Variants in LOXL2 observed in about 807,000 individuals in gnomAD.
The protein encoded by LOXL2 is lysyl oxidase like 2.
Under a neutral mutation model 93.0 loss-of-function variants are expected in LOXL2, and 70 were observed. That is an observed-to-expected ratio of 0.75 (90% CI 0.62 to 0.92). LOXL2 has a LOEUF of 0.92. Among genes scored for constraint, LOXL2 ranks in the 40% least tolerant of loss-of-function variants. The probability of loss-of-function intolerance (pLI) is 0.00; values close to 1 mark genes in which losing one functional copy is unlikely to be tolerated. For synonymous variants in LOXL2, 438 were observed against 413.2 expected (o/e 1.06, Z -0.73); for missense variants, 973 against 1,054.9 (o/e 0.92, Z 1.08).
intron 11 of LOXL2, 136 bp downstream of exon 11, chr8:23,303,146 G>T: frequency 1.5e-6 from 1 of 678,522 alleles, no homozygotes; most frequent in Admixed American, 2.0e-5. Context: ...GCTGAGGAAG[G>T]TCCAGGTGGG....
intron 13 of LOXL2, 26 bp from the exon 14 acceptor site, chr8:23,298,148 G>C: frequency 6.3e-7 from 1 of 1,590,430 alleles, no homozygotes; most frequent in Non-Finnish European, 8.6e-7. Flanking sequence ...CGGGTAGAGA[G>C]AGTGGACAAA....
intron 1 of LOXL2, among the ~76,000 whole-genome samples, chr8:23,401,945 T>C (rs541466348): frequency 2.0e-5 from 3 of 152,394 alleles, no homozygotes; most frequent in South Asian, 4.1e-4. Context: ...TAAGTGACCT[T>C]AGACTAAGTC....
intron 3 of LOXL2, among the ~76,000 whole-genome samples, chr8:23,353,530 C>A (rs573926895): frequency 3.3e-5 from 5 of 152,176 alleles, no homozygotes; most frequent in Non-Finnish European, 4.4e-5. Flanking sequence ...GACTGGAACC[C>A]GGGGGTTCTG....
At chr8:23,304,254 G>C (rs901629436) in intron 10 of LOXL2, among the ~76,000 whole-genome samples, 2 of 152,340 alleles carry the variant, frequency 1.3e-5, no homozygotes, top group Admixed American at 1.3e-4. Context: ...CTTCCCTCGG[G>C]AGGAATTGAG....
chr8:23,376,079 C>T (rs1454975262), intron 1 of LOXL2, among the ~76,000 whole-genome samples: 2 of 152,076 alleles, frequency 1.3e-5, no homozygotes, highest in Non-Finnish European at 2.9e-5. Context: ...GTGGGTTTGT[C>T]ATGAATAGCT....
chr8:23,383,822 G>A (rs1022929705), intron 1 of LOXL2, among the ~76,000 whole-genome samples: 15 of 151,668 alleles, frequency 9.9e-5, no homozygotes, highest in Non-Finnish European at 1.3e-4. Context: ...CACCACGCCC[G>A]GCTAATTTTT....
intron 10 of LOXL2, among the ~76,000 whole-genome samples, chr8:23,304,446 A>G (rs3808525): frequency 0.5 from 75,596 of 151,776 alleles, 19,250 homozygotes; most frequent in East Asian, 0.84. Flanking sequence ...CGAGCATGTC[A>G]CAAGTGTCTG....
chr8:23,382,200 T>C (rs1186867317), intron 1 of LOXL2, among the ~76,000 whole-genome samples: 2 of 152,114 alleles, frequency 1.3e-5, no homozygotes, highest in African/African-American at 4.8e-5. Context: ...CTCTGTGAAG[T>C]AGACACATTC....
At position 23,309,760 on chromosome 8, in the gene LOXL2, G is replaced by C; in HGVS notation, c.1788C>G (p.Leu596=). Residue 596 remains leucine, a synonymous_variant, in exon 10 of 14, where the codon CTC becomes CTG. Transcript: ENST00000389131. The part of the protein sequence containing the change: ...QTDPTTGYRR[L]LRFSSQIHNN... ...TGTGGATCTGGGAGGAGAAGCGCAG[G>C]AGCCGGCGGTAGCCCGTGGTGGGGT... The C allele has an allele frequency of 6.2e-7, 1 of 1,603,820 alleles. No homozygotes were observed. Among genetic ancestry groups the C allele is most frequent in the South Asian group, 1.1e-5 (1 of 89,044 alleles).
chr8:23,299,408 C>T (rs1161177680), intron 12 of LOXL2, among the ~76,000 whole-genome samples: 5 of 152,172 alleles, frequency 3.3e-5, no homozygotes, highest in African/African-American at 7.2e-5. Context: ...ATGTCCCTTC[C>T]TCTCTCTGTA....
chr8:23,309,559 C>A, intron 10 of LOXL2, 109 bp downstream of exon 10: 1 of 1,235,254 alleles, frequency 8.1e-7, no homozygotes, highest in Non-Finnish European at 1.0e-6. Context: ...TATCCCCAGG[C>A]CATGCAGCCT....
intron 2 of LOXL2, chr8:23,363,027 AAAT>A (rs1347228508): frequency 6.6e-6 from 1 of 152,168 alleles, no homozygotes; most frequent in African/African-American, 2.4e-5. Context: ...TCTAAAGGCA[AAAT>A]AATGATGCTG....
At chr8:23,327,189 G>T (rs1341370238) in intron 6 of LOXL2, among the ~76,000 whole-genome samples, 1 of 152,190 alleles carries the variant, frequency 6.6e-6, no homozygotes, top group East Asian at 1.9e-4. Context: ...GCTAGGGCAT[G>T]GGTAGGCCGT....
intron 1 of LOXL2, among the ~76,000 whole-genome samples, chr8:23,393,873 A>C (rs1240486204): frequency 6.6e-6 from 1 of 152,160 alleles, no homozygotes; most frequent in East Asian, 1.9e-4. Flanking sequence ...TAAGCTGGTG[A>C]TCCCTCTAGA....
At position 23,303,284 on chromosome 8, in the gene LOXL2, C is replaced by A; in HGVS notation, c.1994G>T (p.Gly665Val). 1 of 1,604,666 alleles carries A rather than the reference C, an allele frequency of 6.2e-7. No homozygotes were observed. Among genetic ancestry groups the A allele is most frequent in the Non-Finnish European group, 8.5e-7 (1 of 1,171,768 alleles). ...SFCLEDTECEGDIQKNYECAN... is the reference protein window; with the variant it reads ...SFCLEDTECEVDIQKNYECAN... ...ATCCCCCCACTCCGCTCAGATACCT[C>A]CTTCACATTCTGTGTCCTCCAAGCA... The change falls in exon 11 of 14, where the codon GGA becomes GTA. Residue 665 changes from glycine to valine, a missense_variant and splice_region_variant. Transcript: ENST00000389131.
intron 1 of LOXL2, among the ~76,000 whole-genome samples, chr8:23,391,495 C>T (rs768773011): frequency 6.6e-6 from 1 of 152,168 alleles, no homozygotes; most frequent in Non-Finnish European, 1.5e-5. Context: ...CCATCAAGCA[C>T]TCTTGGGTAA....
At chr8:23,329,650 A>C (rs917486828) in intron 5 of LOXL2, among the ~76,000 whole-genome samples, 1 of 152,106 alleles carries the variant, frequency 6.6e-6, no homozygotes, top group African/African-American at 2.4e-5. Flanking sequence ...TGCTCATTCA[A>C]CTCCACAGAG....
At chr8:23,307,927 T>C (rs1803255219) in intron 10 of LOXL2, among the ~76,000 whole-genome samples, 1 of 114,584 alleles carries the variant, frequency 8.7e-6, no homozygotes, top group South Asian at 3.1e-4. Flanking sequence ...CTGATTTGAA[T>C]GTGACTAGGT....
At chr8:23,357,086 TA>T (rs1804213524) in intron 3 of LOXL2, among the ~76,000 whole-genome samples, 1 of 151,968 alleles carries the variant, frequency 6.6e-6, no homozygotes, top group Non-Finnish European at 1.5e-5. Flanking sequence ...TTTTTTTTTT[TA>T]GACGGAGTCT....
Sources: allele counts gnomAD v4.1 joint callset (sites outside exome capture counted in the v4.1 genomes callset), GRCh38; gene constraint gnomAD v4.1.1; transcripts MANE v1.5; gene names NCBI Gene and HGNC (gene_info 2026-07-23, HGNC 2026-07-21).